The following CNTN4 variants were observed in gnomAD, a reference collection of about 807,000 sequenced individuals.
CNTN4 encodes the protein contactin 4, also known as contactin-4.
Under a neutral mutation model 122.5 loss-of-function variants are expected in CNTN4, and 77 were observed. That is an observed-to-expected ratio of 0.63 (90% confidence interval 0.52 to 0.76). The LOEUF (loss-of-function observed/expected upper bound fraction) is 0.76, where lower values mean the gene tolerates loss of function less well. Ranked by LOEUF, CNTN4 falls within the 30% of genes least tolerant of loss-of-function variation. CNTN4 has a pLI of 0.00. For missense variants in CNTN4, 1,256 were observed against 1,259.1 expected, an observed-to-expected ratio of 1.00 and a Z score of 0.04; for synonymous variants, 512 against 447.0, an observed-to-expected ratio of 1.15 and a Z score of -1.83.
intron 15 of CNTN4, 80 bp downstream of exon 15, chr3:3,026,357 A>T: frequency 7.8e-7 from 1 of 1,275,460 alleles, no homozygotes; most frequent in Non-Finnish European, 1.1e-6. Context: ...ACTATTTTAG[A>T]ATTTTGTTCA....
chr3:2,832,473 C>T (rs938109044), intron 7 of CNTN4, among the ~76,000 whole-genome samples: 3 of 152,080 alleles, frequency 2.0e-5, no homozygotes, highest in Non-Finnish European at 2.9e-5. Flanking sequence ...AATAGAAGGA[C>T]ATCATGTGGA....
At chr3:2,119,062 A>G (rs1183794832) in intron 2 of CNTN4, among the ~76,000 whole-genome samples, 1 of 152,206 alleles carries the variant, frequency 6.6e-6, no homozygotes, top group African/African-American at 2.4e-5. Flanking sequence ...AAATCAGTGG[A>G]CTTTGAATAA....
intron 3 of CNTN4, among the ~76,000 whole-genome samples, chr3:2,380,011 C>G (rs1429979988): frequency 6.8e-6 from 1 of 146,340 alleles, no homozygotes; most frequent in Non-Finnish European, 1.5e-5. Flanking sequence ...GAGCTGAGAT[C>G]GCACCATTGC....
intron 13 of CNTN4, among the ~76,000 whole-genome samples, chr3:2,965,727 G>T (rs1475913078): frequency 1.3e-5 from 2 of 152,002 alleles, no homozygotes; most frequent in Non-Finnish European, 2.9e-5. Context: ...TATGTGACTG[G>T]CAAGGGTCTT....
At chr3:2,156,487 C>G (rs889716022) in intron 2 of CNTN4, among the ~76,000 whole-genome samples, 1 of 152,194 alleles carries the variant, frequency 6.6e-6, no homozygotes, top group Non-Finnish European at 1.5e-5. Flanking sequence ...TGTCCACTCC[C>G]TGGTGTGGAT....
At chr3:2,287,340 G>T (rs566528059) in intron 2 of CNTN4, among the ~76,000 whole-genome samples, 1 of 151,926 alleles carries the variant, frequency 6.6e-6, no homozygotes, top group Non-Finnish European at 1.5e-5. Context: ...AGTGGTGCAC[G>T]CCTGTTATCC....
chr3:2,371,320 A>C (rs1163512339), intron 3 of CNTN4, among the ~76,000 whole-genome samples: 1 of 152,172 alleles, frequency 6.6e-6, no homozygotes, highest in Non-Finnish European at 1.5e-5. Context: ...CAAGGTACTT[A>C]CTGCCTTTTT....
intron 2 of CNTN4, among the ~76,000 whole-genome samples, chr3:2,118,158 G>A (rs897087758): frequency 3.3e-5 from 5 of 152,238 alleles, no homozygotes; most frequent in Middle Eastern, 3.4e-3. Flanking sequence ...AGTCCTGTGA[G>A]CTAGATGCTG....
At chr3:2,452,178 T>C (rs893292522) in intron 3 of CNTN4, among the ~76,000 whole-genome samples, 2 of 152,220 alleles carry the variant, frequency 1.3e-5, no homozygotes, top group Admixed American at 6.5e-5. Context: ...TTATAGACTC[T>C]GCTATCTACT....
intron 6 of CNTN4, among the ~76,000 whole-genome samples, chr3:2,746,239 C>A (rs897080608): frequency 6.6e-6 from 1 of 152,136 alleles, no homozygotes; most frequent in African/African-American, 2.4e-5. Context: ...TCCTACAATT[C>A]TCTAATTGTT....
intron 6 of CNTN4, among the ~76,000 whole-genome samples, chr3:2,819,130 T>C (rs2092807054): frequency 6.6e-6 from 1 of 152,344 alleles, no homozygotes; most frequent in East Asian, 1.9e-4. Flanking sequence ...CCTGGCATGA[T>C]GGAAGTCTTC....
intron 4 of CNTN4, among the ~76,000 whole-genome samples, chr3:2,584,061 T>C (rs1278779364): frequency 1.3e-5 from 2 of 152,162 alleles, no homozygotes; most frequent in Non-Finnish European, 1.5e-5. Flanking sequence ...TTGAGGAAAT[T>C]GCTTAATTCT....
chr3:2,295,568 C>G lies in CNTN4; in HGVS notation c.-144-43610C>G, dbSNP rs564174275. ...AATTTGTTTTAGTTTATTCTAGATT[C>G]TGGATATTAGTCCTTTGTCAGATGA... On this transcript the variant is annotated intron_variant, in intron 2 of 24. Coordinates refer to ENST00000418658, the MANE Select transcript of CNTN4 (RefSeq NM_175607.3). Among the ~76,000 whole-genome samples the G allele has an allele frequency of 2.6e-5, 4 of 152,056 alleles. No homozygotes were observed. In the East Asian group the frequency reaches 5.8e-4, roughly 22 times the overall value.
At position 2,780,270 on chromosome 3, in the gene CNTN4, C is replaced by T. The variant is rs552841604; in HGVS notation, c.358+34573C>T. On this transcript the variant is annotated intron_variant, in intron 6 of 24. Transcript: ENST00000418658. ...TTTATTACTAATGCCTTTTCTGGTACGAGACATTTAGTGTTTGACTGCATG... is the reference window on the plus strand; with the variant it reads ...TTTATTACTAATGCCTTTTCTGGTATGAGACATTTAGTGTTTGACTGCATG... Among the ~76,000 whole-genome samples the T allele has an allele frequency of 6.2e-4, 95 of 152,154 alleles. 1 individual carries two copies. Among genetic ancestry groups the T allele is most frequent in the Non-Finnish European group, 1.1e-3 (75 of 68,038 alleles).
chr3:2,848,266 CT>C (rs2093489494), intron 7 of CNTN4, among the ~76,000 whole-genome samples: 2 of 152,028 alleles, frequency 1.3e-5, no homozygotes, highest in African/African-American at 4.8e-5. Context: ...TTAGCATAGG[CT>C]TTTAAATCAT....
At chr3:2,606,841 G>A (rs996224385) in intron 4 of CNTN4, among the ~76,000 whole-genome samples, 3 of 152,182 alleles carry the variant, frequency 2.0e-5, no homozygotes, top group African/African-American at 7.2e-5. Flanking sequence ...CCATTTAAAT[G>A]GAAGATAGTA....
intron 2 of CNTN4, among the ~76,000 whole-genome samples, chr3:2,175,313 G>T (rs1334161386): frequency 6.6e-6 from 1 of 151,534 alleles, no homozygotes; most frequent in Non-Finnish European, 1.5e-5. Flanking sequence ...ATCCTAGCTT[G>T]TTTTTCCTAA....
intron 2 of CNTN4, among the ~76,000 whole-genome samples, chr3:2,213,345 A>G (rs1252983963): frequency 6.6e-6 from 1 of 152,184 alleles, no homozygotes; most frequent in Non-Finnish European, 1.5e-5. Context: ...GAGCCTTGTC[A>G]TAGGCTTCAG....
chr3:2,423,846 G>A (rs976002329), intron 3 of CNTN4, among the ~76,000 whole-genome samples: 4 of 149,900 alleles, frequency 2.7e-5, no homozygotes, highest in Non-Finnish European at 4.4e-5. Context: ...ACATCGTTCC[G>A]GTCTATGGTG....
Sources: gnomAD v4.1 joint callset for allele counts (sites outside exome capture counted in the v4.1 genomes callset) on GRCh38, gnomAD v4.1.1 for gene constraint, MANE v1.5 for transcripts, NCBI Gene and HGNC (gene_info 2026-07-23, HGNC 2026-07-21) for gene names.